SGCZ: variants seen among roughly 807,000 people sequenced by gnomAD.
SGCZ encodes the protein sarcoglycan zeta, also known as zeta-sarcoglycan.
In SGCZ, 40 loss-of-function variants were observed where a neutral mutation model predicts 41.3. The ratio of observed to expected loss-of-function variants is 0.97; its 90% CI spans 0.75 to 1.26. The LOEUF is 1.26. Ranked by LOEUF, SGCZ falls within the 50% of genes most tolerant of loss-of-function variation. The pLI is 0.00. For missense variants in SGCZ, 552 were observed against 369.8 expected (o/e 1.49, Z -4.04); for synonymous variants, 206 against 137.5 (o/e 1.50, Z -3.49).
intron 2 of SGCZ, among the ~76,000 whole-genome samples, chr8:14,416,756 A>C (rs1248714181): frequency 1.3e-5 from 2 of 151,854 alleles, no homozygotes; most frequent in Non-Finnish European, 2.9e-5. Flanking sequence ...TGCAGATCTT[A>C]TTGATGTCAT....
chr8:14,389,239 G>A (rs1175548375), intron 2 of SGCZ, among the ~76,000 whole-genome samples: 1 of 151,766 alleles, frequency 6.6e-6, no homozygotes, highest in Non-Finnish European at 1.5e-5. Context: ...AAGGCAAAAC[G>A]ACTGAGAGTA....
chr8:14,424,997 T>A (rs13268716), intron 2 of SGCZ, among the ~76,000 whole-genome samples: 31,225 of 152,192 alleles, frequency 0.21, 3,785 homozygotes, highest in Non-Finnish European at 0.29. Flanking sequence ...ATCATTGAAA[T>A]TTTCATGACT....
chr8:14,824,643 C>A (rs1301085874), intron 1 of SGCZ, among the ~76,000 whole-genome samples: 1 of 151,940 alleles, frequency 6.6e-6, no homozygotes, highest in Non-Finnish European at 1.5e-5. Context: ...TCCTGCTTGA[C>A]TAACAAAATC....
intron 1 of SGCZ, among the ~76,000 whole-genome samples, chr8:14,679,294 T>G (rs1311016762): frequency 6.6e-6 from 1 of 152,042 alleles, no homozygotes; most frequent in African/African-American, 2.4e-5. Flanking sequence ...TAAAGTTAAC[T>G]GTAAGCCTCA....
chr8:14,230,273 T>C (rs1176443588), intron 4 of SGCZ, among the ~76,000 whole-genome samples: 2 of 152,126 alleles, frequency 1.3e-5, no homozygotes, highest in Non-Finnish European at 2.9e-5. Context: ...ACAAGGCAAC[T>C]AAATCCCAGA....
chr8:15,052,067 C>G (rs1179537681), intron 1 of SGCZ, among the ~76,000 whole-genome samples: 1 of 152,180 alleles, frequency 6.6e-6, no homozygotes, highest in African/African-American at 2.4e-5. Flanking sequence ...GTAATTTAGA[C>G]TGTTCAACGT....
intron 5 of SGCZ, among the ~76,000 whole-genome samples, chr8:14,128,360 T>C (rs1802929512): frequency 6.6e-6 from 1 of 152,180 alleles, no homozygotes; most frequent in Non-Finnish European, 1.5e-5. Flanking sequence ...TGAGATATCA[T>C]TTTACACCGT....
chr8:14,601,917 G>A (rs563932074), intron 1 of SGCZ, among the ~76,000 whole-genome samples: 12 of 152,108 alleles, frequency 7.9e-5, no homozygotes, highest in Non-Finnish European at 5.9e-5. Flanking sequence ...TCAGGAGATC[G>A]AGACCATCCG....
intron 1 of SGCZ, among the ~76,000 whole-genome samples, chr8:14,819,903 A>G (rs1210023052): frequency 2.0e-5 from 3 of 152,128 alleles, no homozygotes; most frequent in African/African-American, 7.2e-5. Context: ...AGCTAGCTCC[A>G]CAGAAAACCA....
chr8:14,217,695 T>A (rs1178632297), intron 4 of SGCZ, among the ~76,000 whole-genome samples: 2 of 144,642 alleles, frequency 1.4e-5, no homozygotes, highest in Non-Finnish European at 3.0e-5. Flanking sequence ...AGCGGTGTGA[T>A]CTCGGCTCAC....
At chr8:14,867,433 A>G (rs1375219875) in intron 1 of SGCZ, among the ~76,000 whole-genome samples, 1 of 152,138 alleles carries the variant, frequency 6.6e-6, no homozygotes, top group East Asian at 1.9e-4. Context: ...GTATCTTTAT[A>G]ATAGAATGAT....
intron 1 of SGCZ, among the ~76,000 whole-genome samples, chr8:14,857,736 A>C (rs150281695): frequency 9.1e-4 from 138 of 152,114 alleles, no homozygotes; most frequent in African/African-American, 3.2e-3. Context: ...CGTGGTGGCA[A>C]GTGCCTGTAA....
In SGCZ at chr8:14,200,181, A is replaced by G. The variant is rs1244051927; in HGVS notation, c.425-35479T>C. Among the ~76,000 whole-genome samples the G allele has an allele frequency of 1.3e-5, 2 of 152,174 alleles. 1 individual carries two copies. The highest frequency in any genetic ancestry group is 3.9e-4 in the East Asian group (2 of 5,188). On this transcript the variant is annotated intron_variant, in intron 4 of 7. Coordinates refer to ENST00000382080, the MANE Select transcript of SGCZ (RefSeq NM_139167.4). The stretch of plus-strand genomic sequence containing the variant: ...ATACATACAAATTCTGTATGCTGAA[A>G]GCTTCAAATTACTAAAGAACACAAC...
At chr8:15,036,025 G>T (rs547381770) in intron 1 of SGCZ, among the ~76,000 whole-genome samples, 1 of 149,736 alleles carries the variant, frequency 6.7e-6, no homozygotes, top group African/African-American at 2.5e-5. Flanking sequence ...ATAGAAACTA[G>T]AAAAAAATAA....
At chr8:14,251,043 C>A (rs938515971) in intron 3 of SGCZ, among the ~76,000 whole-genome samples, 1 of 152,268 alleles carries the variant, frequency 6.6e-6, no homozygotes, top group East Asian at 1.9e-4. Context: ...GCCTGGCCAA[C>A]ATGGCGAAAC....
At chr8:14,600,481 A>G (rs1043161799) in intron 1 of SGCZ, among the ~76,000 whole-genome samples, 1 of 152,084 alleles carries the variant, frequency 6.6e-6, no homozygotes, top group Non-Finnish European at 1.5e-5. Flanking sequence ...CCCTGACATT[A>G]CTTAGTCATT....
rs113201395 is a variant in SGCZ, at chr8:14,386,769, A to G, written c.235-62565T>C. Among the ~76,000 whole-genome samples, 302 of 152,328 alleles carry G rather than the reference A, an allele frequency of 2.0e-3. 1 individual carries two copies. Among genetic ancestry groups the G allele is most frequent in the African/African-American group, 6.6e-3 (276 of 41,582 alleles). ...AAACCAAGCTTAGAAACAGAATACTAAAATCAATGCCTATACATGCAAGAC... is the reference window on the plus strand; with the variant it reads ...AAACCAAGCTTAGAAACAGAATACTGAAATCAATGCCTATACATGCAAGAC... On this transcript the variant is annotated intron_variant, in intron 2 of 7. Transcript: ENST00000382080.
intron 1 of SGCZ, among the ~76,000 whole-genome samples, chr8:14,669,567 T>C (rs1808034696): frequency 1.3e-5 from 2 of 152,098 alleles, no homozygotes; most frequent in Non-Finnish European, 1.5e-5. Flanking sequence ...AGTAAGATCA[T>C]GCAGTATTTG....
At chr8:14,945,739 C>T (rs1345205252) in intron 1 of SGCZ, among the ~76,000 whole-genome samples, 1 of 151,604 alleles carries the variant, frequency 6.6e-6, no homozygotes, top group Non-Finnish European at 1.5e-5. Context: ...TTCTCCCTCT[C>T]CTGAAGCTGG....
Sources: allele counts gnomAD v4.1 joint callset (sites outside exome capture counted in the v4.1 genomes callset), GRCh38; gene constraint gnomAD v4.1.1; transcripts MANE v1.5; gene names NCBI Gene and HGNC (gene_info 2026-07-23, HGNC 2026-07-21).